Variants in CACNA2D3 observed in about 807,000 individuals in gnomAD.
CACNA2D3 encodes the protein voltage-dependent calcium channel subunit alpha-2/delta-3.
A neutral mutation model predicts 160.6 loss-of-function variants in CACNA2D3; 60 were observed. The ratio of observed to expected loss-of-function variants is 0.37; its 90% CI spans 0.30 to 0.46. The LOEUF is 0.46. CACNA2D3 is among the 20% of genes least tolerant of loss of function. The pLI, the probability that CACNA2D3 is intolerant of heterozygous loss-of-function variation, is 1.00. For missense variants in CACNA2D3, 1,205 were observed against 1,365.0 expected (o/e 0.88, Z 1.85); for synonymous variants, 558 against 492.9 (o/e 1.13, Z -1.75).
At chr3:54,346,697 A>C (rs1575407929) in intron 3 of CACNA2D3, among the ~76,000 whole-genome samples, 1 of 152,136 alleles carries the variant, frequency 6.6e-6, no homozygotes, top group African/African-American at 2.4e-5. Flanking sequence ...ACTATTAACT[A>C]AAGTCTATAA....
intron 25 of CACNA2D3, among the ~76,000 whole-genome samples, chr3:54,894,433 A>G (rs1224940613): frequency 6.6e-6 from 1 of 152,044 alleles, no homozygotes; most frequent in Admixed American, 6.5e-5. Context: ...AGCATTCCAG[A>G]TCTATTGCCA....
intron 15 of CACNA2D3, 130 bp downstream of exon 15, chr3:54,837,360 C>G (rs1401979866): frequency 2.6e-6 from 2 of 769,086 alleles, no homozygotes; most frequent in Middle Eastern, 2.4e-4. Context: ...ATTGTTTGAT[C>G]TTGCTGTTAG....
intron 2 of CACNA2D3, among the ~76,000 whole-genome samples, chr3:54,231,836 GC>G: frequency 6.6e-6 from 1 of 151,242 alleles, no homozygotes; most frequent in East Asian, 2.0e-4. Flanking sequence ...TCACTGTCCA[GC>G]AGGTGCATGG....
chr3:54,879,983 T>C (rs1293510107), intron 20 of CACNA2D3, among the ~76,000 whole-genome samples: 1 of 152,250 alleles, frequency 6.6e-6, no homozygotes, highest in Non-Finnish European at 1.5e-5. Flanking sequence ...CTTAGTGTTG[T>C]AATTCATTTT....
chr3:54,447,030 G>A (rs920470866), intron 4 of CACNA2D3, among the ~76,000 whole-genome samples: 2 of 152,104 alleles, frequency 1.3e-5, no homozygotes, highest in South Asian at 2.1e-4. Context: ...TACATAATAG[G>A]CACTTTTTTC....
intron 5 of CACNA2D3, among the ~76,000 whole-genome samples, chr3:54,510,865 C>T (rs141542216): frequency 6.5e-4 from 99 of 152,340 alleles, no homozygotes; most frequent in African/African-American, 2.1e-3. Context: ...CACACTGACT[C>T]AGCTCCCAGC....
At chr3:54,145,608 T>A (rs1700012329) in intron 2 of CACNA2D3, among the ~76,000 whole-genome samples, 2 of 152,220 alleles carry the variant, frequency 1.3e-5, no homozygotes, top group Non-Finnish European at 2.9e-5. Context: ...TCCTGGGGGC[T>A]CTGCGATCTA....
intron 3 of CACNA2D3, among the ~76,000 whole-genome samples, chr3:54,341,769 T>C (rs1022975037): frequency 6.6e-6 from 1 of 152,234 alleles, no homozygotes. Flanking sequence ...GCTTCTGCTA[T>C]GAGACCTCCA....
chr3:54,280,207 G>C (rs7637089), intron 2 of CACNA2D3, among the ~76,000 whole-genome samples: 1 of 151,788 alleles, frequency 6.6e-6, no homozygotes, highest in Non-Finnish European at 1.5e-5. Context: ...TCAGCCTCCT[G>C]AGTAGCTGGA....
chr3:54,192,860 T>G (rs1701008304), intron 2 of CACNA2D3, among the ~76,000 whole-genome samples: 1 of 152,218 alleles, frequency 6.6e-6, no homozygotes, highest in Admixed American at 6.5e-5. Flanking sequence ...CTAGCAGAGC[T>G]GCTCATTCCT....
At chr3:54,210,843 A>G (rs1701359308) in intron 2 of CACNA2D3, among the ~76,000 whole-genome samples, 2 of 152,206 alleles carry the variant, frequency 1.3e-5, no homozygotes, top group South Asian at 4.1e-4. Flanking sequence ...GAGTTCTGGT[A>G]GTCCTTGGTA....
intron 2 of CACNA2D3, among the ~76,000 whole-genome samples, chr3:54,198,105 T>G (rs1701113442): frequency 6.6e-6 from 1 of 152,252 alleles, no homozygotes; most frequent in African/African-American, 2.4e-5. Context: ...TTTTTTCACC[T>G]TAAAAGATCT....
chr3:54,944,861 C>T (rs1214078674), intron 27 of CACNA2D3, among the ~76,000 whole-genome samples: 2 of 151,954 alleles, frequency 1.3e-5, no homozygotes, highest in Admixed American at 6.6e-5. Flanking sequence ...TCTGCTGTAA[C>T]ACTAACTCAT....
chr3:54,602,439 A>G (rs1446731570), intron 9 of CACNA2D3, among the ~76,000 whole-genome samples: 1 of 141,308 alleles, frequency 7.1e-6, no homozygotes, highest in Non-Finnish European at 1.5e-5. Flanking sequence ...TGGAGGTTGC[A>G]GTGAGCCGAG....
chr3:54,502,855 A>G (rs904710756), intron 4 of CACNA2D3, among the ~76,000 whole-genome samples: 1 of 152,240 alleles, frequency 6.6e-6, no homozygotes, highest in African/African-American at 2.4e-5. Flanking sequence ...CCTTCTGTAT[A>G]TGTGAGATGA....
intron 12 of CACNA2D3, among the ~76,000 whole-genome samples, chr3:54,756,942 C>A (rs1701982750): frequency 6.6e-6 from 1 of 152,084 alleles, no homozygotes; most frequent in South Asian, 2.1e-4. Flanking sequence ...TTGAGGGAAC[C>A]AACCCTAATG....
At chr3:54,759,556 A>G (rs1391812332) in intron 12 of CACNA2D3, among the ~76,000 whole-genome samples, 2 of 151,656 alleles carry the variant, frequency 1.3e-5, no homozygotes, top group Admixed American at 6.6e-5. Context: ...TTTGCAGCAT[A>G]CATTGTTATT....
At chr3:54,485,075 G>C (rs888654914) in intron 4 of CACNA2D3, among the ~76,000 whole-genome samples, 1 of 152,102 alleles carries the variant, frequency 6.6e-6, no homozygotes, top group Admixed American at 6.5e-5. Context: ...TCGATCTCCT[G>C]ACCTCGTGAT....
chr3:54,923,719 A>G (rs572779720), intron 27 of CACNA2D3, among the ~76,000 whole-genome samples: 1 of 152,296 alleles, frequency 6.6e-6, no homozygotes, highest in Non-Finnish European at 1.5e-5. Context: ...AGTGGAGGAA[A>G]GAATGTCGGG....
Sources: allele counts gnomAD v4.1 joint callset (sites outside exome capture counted in the v4.1 genomes callset), GRCh38; gene constraint gnomAD v4.1.1; transcripts MANE v1.5; gene names NCBI Gene and HGNC (gene_info 2026-07-23, HGNC 2026-07-21).